Variants in SLC4A10 observed in about 807,000 individuals in gnomAD.
The protein encoded by SLC4A10 is sodium-driven chloride bicarbonate exchanger.
A neutral mutation model predicts 137.7 loss-of-function variants in SLC4A10; 42 were observed. The ratio of observed to expected loss-of-function variants is 0.30; its 90% CI spans 0.24 to 0.39. SLC4A10 has a LOEUF of 0.39. Ranked by LOEUF, SLC4A10 falls within the 10% of genes least tolerant of loss-of-function variation. The pLI, the probability that SLC4A10 is intolerant of heterozygous loss-of-function variation, is 1.00. For missense variants in SLC4A10, 925 were observed against 1,355.0 expected, an observed-to-expected ratio of 0.68 and a Z score of 4.98; for synonymous variants, 474 against 464.1, an observed-to-expected ratio of 1.02 and a Z score of -0.27.
intron 2 of SLC4A10, among the ~76,000 whole-genome samples, chr2:161,784,867 A>G (rs1353932342): frequency 1.3e-5 from 2 of 151,466 alleles, no homozygotes; most frequent in Non-Finnish European, 3.0e-5. Context: ...CACTAGACCC[A>G]AAGTTAGCTG....
chr2:161,911,354 C>G (rs577443353), intron 15 of SLC4A10, among the ~76,000 whole-genome samples: 44 of 151,762 alleles, frequency 2.9e-4, no homozygotes, highest in Middle Eastern at 3.4e-3. Flanking sequence ...AGGGTGCCAA[C>G]ATTGTGGAGA....
intron 15 of SLC4A10, among the ~76,000 whole-genome samples, chr2:161,923,655 C>T (rs1186355189): frequency 6.6e-6 from 1 of 151,610 alleles, no homozygotes; most frequent in African/African-American, 2.4e-5. Flanking sequence ...AGGGGAACAT[C>T]ACACACCGGG....
chr2:161,836,530 GAGAAAGAAAGAA>G (rs71009343), intron 3 of SLC4A10, among the ~76,000 whole-genome samples: 8,872 of 78,898 alleles, frequency 0.11, 654 homozygotes, highest in Middle Eastern at 0.12. Context: ...GAGAGAGAGA[GAGAAAGAAAGAA>G]AGAAAGAAAG....
At chr2:161,636,564 T>A (rs922716698) in intron 1 of SLC4A10, among the ~76,000 whole-genome samples, 38 of 151,782 alleles carry the variant, frequency 2.5e-4, no homozygotes, top group South Asian at 2.1e-4. Context: ...ACCTGGCTAA[T>A]TTTTTTTGTA....
chr2:161,712,725 A>G (rs1456190145), intron 1 of SLC4A10, among the ~76,000 whole-genome samples: 1 of 151,854 alleles, frequency 6.6e-6, no homozygotes, highest in African/African-American at 2.4e-5. Flanking sequence ...AGTGAGTAAT[A>G]TGATATTTGG....
intron 1 of SLC4A10, among the ~76,000 whole-genome samples, chr2:161,695,885 A>ATTT (rs1463778641): frequency 2.7e-5 from 4 of 146,444 alleles, no homozygotes; most frequent in African/African-American, 4.9e-5. Context: ...GCTACCTGAC[A>ATTT]ATTATTTATT....
intron 1 of SLC4A10, among the ~76,000 whole-genome samples, chr2:161,712,365 A>G (rs1387766231): frequency 6.6e-6 from 1 of 151,740 alleles, no homozygotes; most frequent in African/African-American, 2.4e-5. Context: ...TTTCTTGTTT[A>G]TTGTTTAAGA....
chr2:161,789,655 C>G (rs572235198), intron 2 of SLC4A10, among the ~76,000 whole-genome samples: 1 of 152,212 alleles, frequency 6.6e-6, no homozygotes, highest in African/African-American at 2.4e-5. Context: ...TATATGCGAT[C>G]CATCATTTGA....
intron 1 of SLC4A10, among the ~76,000 whole-genome samples, chr2:161,765,096 G>A (rs999319680): frequency 2.6e-5 from 4 of 152,072 alleles, no homozygotes; most frequent in African/African-American, 9.7e-5. Flanking sequence ...AGTTAGTGAT[G>A]AGTATTTTCA....
intron 15 of SLC4A10, among the ~76,000 whole-genome samples, chr2:161,941,716 A>T (rs1692740327): frequency 6.6e-6 from 1 of 152,126 alleles, no homozygotes; most frequent in South Asian, 2.1e-4. Flanking sequence ...GAAATCAGCC[A>T]TGGAGCAAGT....
intron 5 of SLC4A10, among the ~76,000 whole-genome samples, chr2:161,860,285 A>G (rs1266205242): frequency 1.3e-5 from 2 of 152,164 alleles, no homozygotes; most frequent in Non-Finnish European, 2.9e-5. Context: ...TAAAAATCTT[A>G]TCTTTGAAAA....
intron 4 of SLC4A10, 79 bp from the exon 5 acceptor site, chr2:161,854,891 T>C: frequency 7.4e-7 from 1 of 1,360,042 alleles, no homozygotes; most frequent in Non-Finnish European, 9.7e-7. Context: ...TTTTTCTATT[T>C]CAACCTTTTA....
intron 2 of SLC4A10, among the ~76,000 whole-genome samples, chr2:161,801,110 A>G (rs1367980246): frequency 1.3e-5 from 2 of 152,072 alleles, no homozygotes; most frequent in African/African-American, 4.8e-5. Context: ...CTTCACATGT[A>G]TTAACTGTGT....
intron 1 of SLC4A10, among the ~76,000 whole-genome samples, chr2:161,663,987 A>G (rs1024491092): frequency 1.3e-5 from 2 of 152,004 alleles, no homozygotes; most frequent in Non-Finnish European, 2.9e-5. Context: ...AGGCAAAGAA[A>G]CATGATGCTG....
intron 1 of SLC4A10, among the ~76,000 whole-genome samples, chr2:161,731,494 G>T (rs1349418237): frequency 6.6e-6 from 1 of 152,066 alleles, no homozygotes. Flanking sequence ...GAATTGTAGG[G>T]ACAGTTTTCT....
At chr2:161,722,960 C>T (rs770892602) in intron 1 of SLC4A10, among the ~76,000 whole-genome samples, 13 of 152,160 alleles carry the variant, frequency 8.5e-5, no homozygotes, top group African/African-American at 1.2e-4. Context: ...CACAATCTGC[C>T]GCAGCTGCTG....
At chr2:161,865,852 T>C (rs1442189292) in intron 6 of SLC4A10, among the ~76,000 whole-genome samples, 1 of 152,004 alleles carries the variant, frequency 6.6e-6, no homozygotes, top group African/African-American at 2.4e-5. Flanking sequence ...ATTTAAATTT[T>C]TGTGCAATAG....
intron 15 of SLC4A10, among the ~76,000 whole-genome samples, chr2:161,929,500 A>T (rs1157705399): frequency 6.6e-6 from 1 of 152,226 alleles, no homozygotes; most frequent in Non-Finnish European, 1.5e-5. Flanking sequence ...AGTTTCAACA[A>T]GTCACACATA....
intron 3 of SLC4A10, among the ~76,000 whole-genome samples, chr2:161,807,238 C>A (rs991767423): frequency 6.6e-6 from 1 of 152,160 alleles, no homozygotes; most frequent in Non-Finnish European, 1.5e-5. Context: ...GGTGGGGACA[C>A]AACCAAACCA....
Sources: allele counts gnomAD v4.1 joint callset (sites outside exome capture counted in the v4.1 genomes callset), GRCh38; gene constraint gnomAD v4.1.1; transcripts MANE v1.5; gene names NCBI Gene and HGNC (gene_info 2026-07-23, HGNC 2026-07-21).